UNC13C: variants seen among roughly 807,000 people sequenced by gnomAD.
The protein encoded by UNC13C is unc-13 homolog C, also known as protein unc-13 homolog C.
Under a neutral mutation model 245.4 loss-of-function variants are expected in UNC13C, and 174 were observed. The ratio of observed to expected loss-of-function variants is 0.71; its 90% CI spans 0.63 to 0.80. The LOEUF (loss-of-function observed/expected upper bound fraction) is 0.80, where lower values mean the gene tolerates loss of function less well. Among genes scored for constraint, UNC13C ranks in the 30% least tolerant of loss-of-function variants. UNC13C has a pLI of 0.00. For missense variants in UNC13C, 2,829 were observed against 2,602.9 expected (o/e 1.09, Z -1.89); for synonymous variants, 992 against 895.1 (o/e 1.11, Z -1.93).
chr15:54,328,053 C>A (rs2038343816), intron 14 of UNC13C, among the ~76,000 whole-genome samples: 1 of 152,030 alleles, frequency 6.6e-6, no homozygotes, highest in Admixed American at 6.6e-5. Context: ...TTTAACCAGG[C>A]TGAGGGGAAG....
At chr15:54,416,590 T>G (rs953394733) in intron 19 of UNC13C, among the ~76,000 whole-genome samples, 1 of 152,160 alleles carries the variant, frequency 6.6e-6, no homozygotes. Flanking sequence ...CTGCTTTCAC[T>G]GTCTCTTTGG....
At chr15:54,491,885 GA>G (rs1313600047) in intron 19 of UNC13C, among the ~76,000 whole-genome samples, 1 of 151,588 alleles carries the variant, frequency 6.6e-6, no homozygotes, top group Non-Finnish European at 1.5e-5. Context: ...CAGCTATTCG[GA>G]GAGGCTGAGG....
At chr15:54,416,520 C>A (rs376781268) in intron 19 of UNC13C, among the ~76,000 whole-genome samples, 3 of 152,242 alleles carry the variant, frequency 2.0e-5, no homozygotes, top group East Asian at 3.9e-4. Flanking sequence ...TTATTAATGA[C>A]CCAGCCCTTC....
rs569749070 is a variant in UNC13C at position 54,199,101 on chromosome 15, C to T, written c.3072-35929C>T. 2.6e-5 allele frequency among the ~76,000 whole-genome samples: 4 copies of T among 151,866 alleles called. No individual in the cohort carries two copies. The South Asian group carries it at 6.2e-4, about 24-fold the overall frequency. ...AAGCAGAAGAAAGAACTTCAGAGCT[C>T]GAAGACAGGCTTTCCGAGTTAACCC... On this transcript the variant is annotated intron_variant, in intron 4 of 32. Coordinates refer to ENST00000260323, the MANE Select transcript of UNC13C (RefSeq NM_001080534.3).
At chr15:53,962,702 G>A in the UNC13C span, among the ~76,000 whole-genome samples, 3 of 152,156 alleles carry the variant, frequency 2.0e-5, no homozygotes, top group African/African-American at 7.2e-5. Flanking sequence ...AATGAATACT[G>A]CATTATTAAA....
intron 24 of UNC13C, among the ~76,000 whole-genome samples, chr15:54,517,729 C>G (rs926627557): frequency 5.9e-5 from 9 of 152,122 alleles, no homozygotes; most frequent in African/African-American, 2.2e-4. Context: ...ACTGGAGATA[C>G]ATTAATTACT....
intron 17 of UNC13C, among the ~76,000 whole-genome samples, chr15:54,371,405 C>T (rs1227246477): frequency 6.6e-6 from 1 of 152,140 alleles, no homozygotes; most frequent in African/African-American, 2.4e-5. Context: ...CACTACTCTT[C>T]CGCCATTCTT....
At chr15:54,429,767 G>A (rs2040834045) in intron 19 of UNC13C, among the ~76,000 whole-genome samples, 1 of 151,518 alleles carries the variant, frequency 6.6e-6, no homozygotes, top group African/African-American at 2.4e-5. Context: ...TGACAGCATT[G>A]CCATTTTGCT....
intron 2 of UNC13C, among the ~76,000 whole-genome samples, chr15:54,094,500 T>C (rs912550274): frequency 6.6e-6 from 1 of 152,178 alleles, no homozygotes; most frequent in Non-Finnish European, 1.5e-5. Flanking sequence ...AACTATGTAA[T>C]TGTGTCTTTC....
intron 4 of UNC13C, among the ~76,000 whole-genome samples, chr15:54,167,052 A>C (rs552786263): frequency 6.6e-6 from 1 of 152,220 alleles, no homozygotes; most frequent in Non-Finnish European, 1.5e-5. Flanking sequence ...ACAAAGTTTG[A>C]GGATATATAC....
chr15:54,121,318 C>T (rs1471749144), intron 2 of UNC13C, among the ~76,000 whole-genome samples: 1 of 152,152 alleles, frequency 6.6e-6, no homozygotes, highest in Non-Finnish European at 1.5e-5. Flanking sequence ...GCGGAAGGCT[C>T]AGACGATTGT....
intron 23 of UNC13C, among the ~76,000 whole-genome samples, chr15:54,509,824 A>C (rs926873260): frequency 6.6e-6 from 1 of 152,184 alleles, no homozygotes; most frequent in Non-Finnish European, 1.5e-5. Flanking sequence ...ATTCAGTAAA[A>C]CTGCACTTTG....
chr15:53,942,175 C>A, the UNC13C span, among the ~76,000 whole-genome samples: 1 of 152,054 alleles, frequency 6.6e-6, no homozygotes, highest in East Asian at 1.9e-4. Flanking sequence ...CAATGGTAGA[C>A]TGAATAAAGA....
At position 54,014,844 on chromosome 15, in the gene UNC13C, G is replaced by C; in HGVS notation, c.1941G>C (p.Gln647His). The change falls in exon 2 of 33, where the codon CAG (glutamine) becomes CAC (histidine). Residue 647 changes from glutamine (Q) to histidine (H), a missense_variant. Coordinates refer to ENST00000260323, the MANE Select transcript of UNC13C (RefSeq NM_001080534.3). ...ACCGGAGTCATTACAGTGATTCTCA[G>C]CTCTCTTTACATGAGGATCTTTCTC... is the stretch of plus-strand genomic sequence containing the variant. ...SGDRSHYSDS[Q>H]LSLHEDLSPW... 2 of 1,613,852 alleles carry C rather than the reference G, an allele frequency of 1.2e-6. No individual in the cohort carries two copies. The highest frequency in any genetic ancestry group is 2.2e-5 in the South Asian group (2 of 91,076).
At chr15:54,051,891 C>T (rs1469432678) in intron 2 of UNC13C, among the ~76,000 whole-genome samples, 1 of 141,796 alleles carries the variant, frequency 7.1e-6, no homozygotes, top group Non-Finnish European at 1.5e-5. Flanking sequence ...AGGTATATCT[C>T]CCAATGCTAT....
At chr15:54,445,672 T>C (rs191430039) in intron 19 of UNC13C, among the ~76,000 whole-genome samples, 221 of 152,280 alleles carry the variant, frequency 1.5e-3, no homozygotes, top group Admixed American at 2.5e-3. Context: ...GTTTGAGTTC[T>C]TTGTAGATTC....
chr15:54,378,554 T>C (rs2039654693), intron 17 of UNC13C, among the ~76,000 whole-genome samples: 1 of 151,640 alleles, frequency 6.6e-6, no homozygotes, highest in Non-Finnish European at 1.5e-5. Context: ...ATTTTGGTAA[T>C]AAATATATAA....
chr15:54,567,294 G>A (rs1231335811), intron 29 of UNC13C, among the ~76,000 whole-genome samples: 1 of 152,118 alleles, frequency 6.6e-6, no homozygotes, highest in Non-Finnish European at 1.5e-5. Flanking sequence ...GCTTCGTCAG[G>A]TTGGCCTATA....
At chr15:54,500,739 A>T (rs893176840) in intron 21 of UNC13C, 96 bp from the exon 22 acceptor site, 2 of 959,420 alleles carry the variant, frequency 2.1e-6, no homozygotes, top group Admixed American at 2.3e-5. Context: ...TAAATATGTG[A>T]TACGGGAGAT....
Sources: gnomAD v4.1 joint callset for allele counts (sites outside exome capture counted in the v4.1 genomes callset) on GRCh38, gnomAD v4.1.1 for gene constraint, MANE v1.5 for transcripts, NCBI Gene and HGNC (gene_info 2026-07-23, HGNC 2026-07-21) for gene names.